SLC24A5: variants seen among roughly 807,000 people sequenced by gnomAD.
SLC24A5 encodes solute carrier family 24 member 5.
SLC24A5 carries 46 observed loss-of-function variants against 51.6 expected under a neutral mutation model. The observed-to-expected ratio is 0.89, with a 90% CI of 0.70 to 1.14. The LOEUF is 1.14. Among genes scored for constraint, SLC24A5 ranks in the 50% most tolerant of loss-of-function variants. The pLI, the probability that SLC24A5 is intolerant of heterozygous loss-of-function variation, is 0.00. For synonymous variants in SLC24A5, 230 were observed against 214.9 expected (o/e 1.07, Z -0.62); for missense variants, 581 against 604.1 (o/e 0.96, Z 0.40).
At position 48,139,154 on chromosome 15, in the gene SLC24A5, G is replaced by C. The variant is rs555872528; in HGVS notation, c.1057G>C (p.Val353Leu). The change falls in exon 7 of 9, where the codon GTT (valine) becomes CTT (leucine). Residue 353 changes from valine to leucine, a missense_variant. Transcript: ENST00000341459. Reference sequence around the variant, plus strand: ...GATATCCGCATTTACATATATCCTGGTTTGGATGGTCACAATAACTGGTAT... The same window carrying C: ...GATATCCGCATTTACATATATCCTGCTTTGGATGGTCACAATAACTGGTAT... ...IWISAFTYIL[V>L]WMVTITGETL... 1 of 1,611,778 alleles carries C rather than the reference G, an allele frequency of 6.2e-7. No individual in the cohort carries two copies. Among genetic ancestry groups the C allele is most frequent in the East Asian group, 2.2e-5 (1 of 44,746 alleles).
intron 7 of SLC24A5, chr15:48,139,953 G>A (rs1462387353): frequency 2.0e-5 from 3 of 152,012 alleles, no homozygotes; most frequent in Non-Finnish European, 4.4e-5. Context: ...AACTGCAACA[G>A]AAATCACACA....
chr15:48,134,217 T>C, intron 2 of SLC24A5, 41 bp from the exon 3 acceptor site: 2 of 1,542,304 alleles, frequency 1.3e-6, no homozygotes, highest in South Asian at 1.1e-5. Flanking sequence ...GACATACTCT[T>C]TCACTTTATT....
At chr15:48,141,013 C>A in intron 7 of SLC24A5, 100 bp from the exon 8 acceptor site, 2 of 888,408 alleles carry the variant, frequency 2.3e-6, no homozygotes, top group Non-Finnish European at 3.6e-6. Flanking sequence ...TCTAAATGTG[C>A]CTATTTTATT....
intron 7 of SLC24A5, chr15:48,139,697 C>A (rs761221945): frequency 6.6e-6 from 1 of 152,246 alleles, no homozygotes. Flanking sequence ...GTTTCTACTA[C>A]CTTCATGATT....
At chr15:48,135,909 T>G (rs924426315) in intron 5 of SLC24A5, 1 of 152,100 alleles carries the variant, frequency 6.6e-6, no homozygotes, top group Admixed American at 6.6e-5. Context: ...CTGTAAGGGA[T>G]AGTGACTGTG....
intron 5 of SLC24A5, chr15:48,136,394 C>A (rs965828): frequency 1 from 255,591 of 255,964 alleles, 127,611 homozygotes; most frequent in Middle Eastern, 1. Flanking sequence ...TATCATTTTC[C>A]TTGCATTTTT....
chr15:48,121,187 T>A, intron 1 of SLC24A5, 22 bp downstream of exon 1: 1 of 1,594,066 alleles, frequency 6.3e-7, no homozygotes, highest in African/African-American at 1.3e-5. Context: ...TTGGGGTCAG[T>A]TAGCTCTGCA....
At chr15:48,139,339 G>A in intron 7 of SLC24A5, 164 bp downstream of exon 7, 1 of 558,090 alleles carries the variant, frequency 1.8e-6, no homozygotes, top group South Asian at 2.7e-5. Context: ...CAAGATCACT[G>A]GAGTTTGTGA....
chr15:48,136,994 C>G lies in SLC24A5; in HGVS notation c.871+31C>G, dbSNP rs777919325. The G allele has an allele frequency of 3.2e-6, 5 of 1,566,088 alleles. No individual in the cohort carries two copies. In the South Asian group the frequency reaches 6.0e-5, roughly 19 times the overall value. On this transcript the variant is annotated intron_variant, in intron 6 of 8. Transcript: ENST00000341459. ...CACTAAATCTTGCCCATTATTAAGT[C>G]TATTCGCAAAGGAAAAACTTTAAAA... is the stretch of plus-strand genomic sequence containing the variant.
In SLC24A5 at chr15:48,133,893, CTTT is replaced by C. The variant is rs543755988; in HGVS notation, c.302-359_302-357del. On this transcript the variant is annotated intron_variant, in intron 2 of 8. Transcript: ENST00000341459. Reference sequence around the variant, plus strand: ...CATTATACATCTAAAAAACTAACATCTTTTTTTTCTTCTTTGAAGTTGGGTTAG... The same window carrying C: ...CATTATACATCTAAAAAACTAACATCTTTTTCTTCTTTGAAGTTGGGTTAG... Among the ~76,000 whole-genome samples the C allele has an allele frequency of 1.1e-3, 160 of 152,042 alleles. 1 individual carries two copies. Among genetic ancestry groups the C allele is most frequent in the African/African-American group, 3.8e-3 (159 of 41,508 alleles).
At chr15:48,134,147 G>C in intron 2 of SLC24A5, 111 bp from the exon 3 acceptor site, 1 of 898,940 alleles carries the variant, frequency 1.1e-6, no homozygotes, top group East Asian at 2.6e-5. Flanking sequence ...TATTTTTCTA[G>C]TTTAATAGTG....
intron 6 of SLC24A5, 74 bp from the exon 7 acceptor site, chr15:48,138,895 A>G: frequency 9.0e-7 from 1 of 1,105,740 alleles, no homozygotes; most frequent in Non-Finnish European, 1.3e-6. Flanking sequence ...TTTCAATATA[A>G]CTTTCTAAAT....
intron 8 of SLC24A5, 29 bp downstream of exon 8, chr15:48,141,243 G>T (rs761577296): frequency 6.6e-7 from 1 of 1,515,250 alleles, no homozygotes; most frequent in Non-Finnish European, 9.2e-7. Flanking sequence ...AAGCTGCAAT[G>T]GTCATTCTAC....
Position 48,121,058 on chromosome 15 carries a change from G to T in SLC24A5, c.14G>T (p.Gly5Val), listed in dbSNP as rs778367810. MQTK[G>V]GQTWARRALL... is the part of the protein sequence containing the mutation. ...AGCACAGCAGAAATGCAGACAAAAGGGGGCCAAACATGGGCGAGAAGGGCT... is the reference window on the plus strand; with the variant it reads ...AGCACAGCAGAAATGCAGACAAAAGTGGGCCAAACATGGGCGAGAAGGGCT... The change falls in exon 1 of 9, where the codon GGG becomes GTG. Residue 5 changes from glycine to valine, a missense_variant. Coordinates refer to ENST00000341459, the MANE Select transcript of SLC24A5 (RefSeq NM_205850.3). The T allele has an allele frequency of 1.2e-6, 2 of 1,613,770 alleles. No individual in the cohort carries two copies. The highest frequency in any genetic ancestry group is 1.3e-5 in the African/African-American group (1 of 75,046).
chr15:48,129,692 A>G (rs546411657), intron 2 of SLC24A5, among the ~76,000 whole-genome samples: 2 of 152,186 alleles, frequency 1.3e-5, no homozygotes, highest in South Asian at 4.2e-4. Context: ...TTCATCGTCT[A>G]AATTTTGGTA....
rs1254487389 is a variant in SLC24A5, at chr15:48,134,346, A to T, written c.385+5A>T. 1 of 1,613,428 alleles carries T rather than the reference A, an allele frequency of 6.2e-7. No individual in the cohort carries two copies. The highest frequency in any genetic ancestry group is 1.1e-5 in the South Asian group (1 of 91,058). Reference sequence around the variant, plus strand: ...AATTAGTTACTGCTTTCCTAGGTAAATATTGCTCCTTATACTTCTTGCTTA... The same window carrying T: ...AATTAGTTACTGCTTTCCTAGGTAATTATTGCTCCTTATACTTCTTGCTTA... On this transcript the variant is annotated splice_donor_5th_base_variant and intron_variant, in intron 3 of 8. Coordinates refer to ENST00000341459, the MANE Select transcript of SLC24A5 (RefSeq NM_205850.3).
rs1353932447 is a variant in SLC24A5 at position 48,142,169 on chromosome 15, A to G, written c.1321A>G (p.Ile441Val). Residue 441 changes from isoleucine (I) to valine (V), a missense_variant, in exon 9 of 9, where the codon ATA becomes GTA. Physicochemically the swap from Ile to Val is conservative, Grantham distance 29 (BLOSUM62 3). Coordinates refer to ENST00000341459, the MANE Select transcript of SLC24A5 (RefSeq NM_205850.3). ...AGTAAACAGCAGAGGACTAACTTACATAACCATCTCTCTCAACATTTCAAT... is the reference window on the plus strand; with the variant it reads ...AGTAAACAGCAGAGGACTAACTTACGTAACCATCTCTCTCAACATTTCAAT... The part of the protein sequence containing the change: ...AEVNSRGLTY[I>V]TISLNISIIF... 2 of 1,613,790 alleles carry G rather than the reference A, an allele frequency of 1.2e-6. No homozygotes were observed. Among genetic ancestry groups the G allele is most frequent in the African/African-American group, 1.3e-5 (1 of 74,928 alleles).
At chr15:48,122,389 AT>A in intron 2 of SLC24A5, 1 of 378,652 alleles carries the variant, frequency 2.6e-6, no homozygotes, top group Non-Finnish European at 4.7e-6. Flanking sequence ...AATATTTGCC[AT>A]TTTATGCTTC....
intron 2 of SLC24A5, chr15:48,122,610 A>G (rs1849916153): frequency 6.5e-6 from 1 of 153,478 alleles, no homozygotes; most frequent in Non-Finnish European, 1.4e-5. Flanking sequence ...CTGTAAAATC[A>G]GTTATTAAAA....
Sources: gnomAD v4.1 joint callset for allele counts (sites outside exome capture counted in the v4.1 genomes callset) on GRCh38, gnomAD v4.1.1 for gene constraint, MANE v1.5 for transcripts, NCBI Gene and HGNC (gene_info 2026-07-23, HGNC 2026-07-21) for gene names.